Variants in NTRK3 observed in about 807,000 individuals in gnomAD.
The protein encoded by NTRK3 is NT-3 growth factor receptor.
Under a neutral mutation model 91.7 loss-of-function variants are expected in NTRK3, and 24 were observed. That is an observed-to-expected ratio of 0.26 (90% CI 0.19 to 0.37). The LOEUF (loss-of-function observed/expected upper bound fraction) is 0.37, where lower values mean the gene tolerates loss of function less well. NTRK3 is among the 10% of genes least tolerant of loss of function. NTRK3 has a pLI of 1.00. For missense variants in NTRK3, 880 were observed against 1,068.9 expected (o/e 0.82, Z 2.46); for synonymous variants, 483 against 404.0 (o/e 1.20, Z -2.34).
chr15:87,981,410 A>T (rs2074256946), intron 14 of NTRK3: 1 of 1,613,242 alleles, frequency 6.2e-7, no homozygotes, highest in Non-Finnish European at 8.5e-7. Context: ...ATTAAACCCC[A>T]AGTGCAAAAA....
intron 3 of NTRK3, among the ~76,000 whole-genome samples, chr15:88,198,958 C>T (rs2048061419): frequency 6.6e-6 from 1 of 152,194 alleles, no homozygotes; most frequent in Non-Finnish European, 1.5e-5. Flanking sequence ...CCCTGTTTCT[C>T]AGTCACAAAT....
exon 19 of NTRK3, chr15:87,866,137 T>A (rs2064669384): frequency 4.4e-6 from 1 of 226,042 alleles, no homozygotes; most frequent in South Asian, 1.8e-4. Flanking sequence ...CTATTTTGTA[T>A]GTTAAGAAAC....
At chr15:88,003,280 T>C (rs1294759820) in intron 14 of NTRK3, among the ~76,000 whole-genome samples, 1 of 152,190 alleles carries the variant, frequency 6.6e-6, no homozygotes, top group Non-Finnish European at 1.5e-5. Flanking sequence ...AACAATACTA[T>C]GAACCTGTAG....
At chr15:87,884,982 C>T (rs1423363629) in intron 17 of NTRK3, among the ~76,000 whole-genome samples, 1 of 151,800 alleles carries the variant, frequency 6.6e-6, no homozygotes, top group East Asian at 1.9e-4. Flanking sequence ...AACAAAACGT[C>T]AAACTGCCTG....
intron 13 of NTRK3, among the ~76,000 whole-genome samples, chr15:88,093,074 GTT>G (rs377164481): frequency 9.2e-6 from 1 of 108,472 alleles, no homozygotes; most frequent in Non-Finnish European, 2.0e-5. Context: ...TGTTTTTTTT[GTT>G]TTTTTTTTTT....
intron 14 of NTRK3, among the ~76,000 whole-genome samples, chr15:88,003,665 G>A (rs146722762): frequency 6.6e-6 from 1 of 152,258 alleles, no homozygotes; most frequent in Non-Finnish European, 1.5e-5. Context: ...AAAGAGGACT[G>A]TGGAACAAAG....
At chr15:88,107,210 A>G (rs1338172089) in intron 13 of NTRK3, among the ~76,000 whole-genome samples, 2 of 152,136 alleles carry the variant, frequency 1.3e-5, no homozygotes, top group East Asian at 3.9e-4. Flanking sequence ...TGGGAGGCTG[A>G]GGTGAGCAGA....
At chr15:88,162,598 G>C (rs901816586) in intron 5 of NTRK3, among the ~76,000 whole-genome samples, 15 of 152,158 alleles carry the variant, frequency 9.9e-5, no homozygotes, top group Admixed American at 9.8e-4. Context: ...CAGCATACGC[G>C]CTAAATGGTT....
intron 13 of NTRK3, among the ~76,000 whole-genome samples, chr15:88,117,628 A>G (rs541553722): frequency 6.6e-6 from 1 of 152,358 alleles, no homozygotes; most frequent in South Asian, 2.1e-4. Context: ...CTGTCTGGAA[A>G]TTCTAATCTT....
chr15:87,934,958 A>G (rs1192693075), intron 15 of NTRK3, among the ~76,000 whole-genome samples: 1 of 152,210 alleles, frequency 6.6e-6, no homozygotes, highest in African/African-American at 2.4e-5. Flanking sequence ...GCTTGATTAA[A>G]TTAATCTACG....
chr15:88,159,551 A>G (rs766469995), intron 5 of NTRK3, among the ~76,000 whole-genome samples: 1 of 152,164 alleles, frequency 6.6e-6, no homozygotes, highest in Non-Finnish European at 1.5e-5. Flanking sequence ...ATCTGGTGAA[A>G]TTTTGTTTTC....
At chr15:87,898,823 TAAAAAA>T (rs34425235) in intron 17 of NTRK3, among the ~76,000 whole-genome samples, 2 of 103,986 alleles carry the variant, frequency 1.9e-5, no homozygotes, top group Admixed American at 1.1e-4. Context: ...CTGTCTCTAC[TAAAAAA>T]AAAAAAAAAA....
chr15:88,037,515 T>C (rs1263733524), intron 13 of NTRK3, among the ~76,000 whole-genome samples: 1 of 152,134 alleles, frequency 6.6e-6, no homozygotes, highest in Non-Finnish European at 1.5e-5. Flanking sequence ...TGAGCTGAGA[T>C]GGCACCCACT....
chr15:88,143,405 G>A (rs2042579313), intron 6 of NTRK3, among the ~76,000 whole-genome samples: 1 of 152,210 alleles, frequency 6.6e-6, no homozygotes, highest in Non-Finnish European at 1.5e-5. Context: ...TGAAGGGAGT[G>A]TGGCCCTGCC....
Position 87,966,430 on chromosome 15 carries a change from T to C in NTRK3, c.1586-25677A>G, listed in dbSNP as rs147025306. Among the ~76,000 whole-genome samples, 727 of 152,316 alleles carry C rather than the reference T, an allele frequency of 4.8e-3. 14 individuals carry two copies. The highest frequency in any genetic ancestry group is 0.043 in the Admixed American group (664 of 15,298). ...GTGGAGACACATGGTGCTAAGGAGT[T>C]GGCCCCTGGCCTGTTCCCTTCTCTT... On this transcript the variant is annotated intron_variant, in intron 14 of 18. Coordinates refer to ENST00000394480, the Ensembl canonical transcript of NTRK3.
At position 88,002,168 on chromosome 15, in the gene NTRK3, GTTTT is replaced by G. The variant is rs770668339; in HGVS notation, c.1585+30685_1585+30688del. On this transcript the variant is annotated intron_variant, in intron 14 of 18. Transcript: ENST00000394480. The stretch of plus-strand genomic sequence containing the variant: ...TTTCTCTCTCTGAAGGATAGTGGTT[GTTTT>G]TTTTTTTTTTTTTTTTTTTTTTTCC... Among the ~76,000 whole-genome samples, 366 of 70,168 alleles carry G rather than the reference GTTTT, an allele frequency of 5.2e-3. 1 individual carries two copies. The highest frequency in any genetic ancestry group is 0.018 in the East Asian group (40 of 2,194). The allele number at this position is 70,168 out of a possible 152,430, so 46.0% of individuals were successfully genotyped here.
At chr15:88,016,535 A>G (rs1447854587) in intron 14 of NTRK3, among the ~76,000 whole-genome samples, 2 of 152,230 alleles carry the variant, frequency 1.3e-5, no homozygotes, top group Non-Finnish European at 2.9e-5. Context: ...ACTAAGCAGA[A>G]TGCTATGGCA....
intron 14 of NTRK3, among the ~76,000 whole-genome samples, chr15:87,976,188 C>A (rs1254018855): frequency 6.6e-6 from 1 of 152,166 alleles, no homozygotes; most frequent in African/African-American, 2.4e-5. Flanking sequence ...CTTCAGGCAT[C>A]CCTGTTCCAA....
At position 87,893,270 on chromosome 15, in the gene NTRK3, C is replaced by G. The variant is rs142313966; in HGVS notation, c.2134-12842G>C. Among the ~76,000 whole-genome samples the G allele has an allele frequency of 2.1e-4, 32 of 152,286 alleles. 1 individual carries two copies. In the East Asian group the frequency reaches 5.6e-3, roughly 27 times the overall value. On this transcript the variant is annotated intron_variant, in intron 17 of 18. Coordinates refer to ENST00000394480, the Ensembl canonical transcript of NTRK3. ...GGGAGCAAGAGCAGCAGTTCCACCTCCAGCCCTGGGATGCCTAGCTGAAAC... is the reference window on the plus strand; with the variant it reads ...GGGAGCAAGAGCAGCAGTTCCACCTGCAGCCCTGGGATGCCTAGCTGAAAC...
Sources: gnomAD v4.1 joint callset for allele counts (sites outside exome capture counted in the v4.1 genomes callset) on GRCh38, gnomAD v4.1.1 for gene constraint, MANE v1.5 for transcripts, NCBI Gene and HGNC (gene_info 2026-07-23, HGNC 2026-07-21) for gene names.